Variants in NTNG1 observed in about 807,000 individuals in gnomAD.
NTNG1 encodes netrin G1.
A neutral mutation model predicts 54.0 loss-of-function variants in NTNG1; 16 were observed. The ratio of observed to expected loss-of-function variants is 0.30; its 90% CI spans 0.20 to 0.45. The LOEUF (loss-of-function observed/expected upper bound fraction) is 0.45, where lower values mean the gene tolerates loss of function less well. Ranked by LOEUF, NTNG1 falls within the 20% of genes least tolerant of loss-of-function variation. The pLI, the probability that NTNG1 is intolerant of heterozygous loss-of-function variation, is 1.00. For synonymous variants in NTNG1, 255 were observed against 263.1 expected, an observed-to-expected ratio of 0.97 and a Z score of 0.30; for missense variants, 530 against 678.7, an observed-to-expected ratio of 0.78 and a Z score of 2.43.
intron 2 of NTNG1, among the ~76,000 whole-genome samples, chr1:107,249,111 A>G (rs1662399916): frequency 1.3e-5 from 2 of 150,524 alleles, no homozygotes; most frequent in South Asian, 4.2e-4. Context: ...GTAAGCCGAG[A>G]TCACACCACT....
chr1:107,261,829 T>G (rs183921813), intron 2 of NTNG1, among the ~76,000 whole-genome samples: 12 of 152,074 alleles, frequency 7.9e-5, no homozygotes, highest in Admixed American at 1.3e-4. Context: ...GGCGACAGAG[T>G]GAGACTCCGT....
chr1:107,376,374 C>G (rs1041533627), intron 3 of NTNG1, among the ~76,000 whole-genome samples: 4 of 151,512 alleles, frequency 2.6e-5, no homozygotes, highest in South Asian at 2.1e-4. Context: ...CGCCACTGCA[C>G]TCCAGCCTGG....
At chr1:107,252,206 A>T (rs899448613) in intron 2 of NTNG1, among the ~76,000 whole-genome samples, 1 of 152,196 alleles carries the variant, frequency 6.6e-6, no homozygotes, top group African/African-American at 2.4e-5. Flanking sequence ...GCCAAATTAA[A>T]GTCTTCACTG....
intron 2 of NTNG1, among the ~76,000 whole-genome samples, chr1:107,225,515 G>A (rs187043428): frequency 3.9e-5 from 6 of 152,212 alleles, no homozygotes; most frequent in African/African-American, 1.4e-4. Flanking sequence ...CTGTGTTTGA[G>A]TGCCTGATGA....
chr1:107,407,690 A>G lies in NTNG1; in HGVS notation c.1069A>G (p.Ser357Gly), dbSNP rs1467384771. The change falls in exon 5 of 8, where the codon AGT becomes GGT. Residue 357 changes from serine (S) to glycine (G), a missense_variant. Ser to Gly is a moderately conservative substitution (Grantham distance 56). Around this residue, in one of 2 missense-constraint regions of NTNG1, gnomAD observed 318 missense variants for 465.1 expected, o/e 0.68. Coordinates refer to ENST00000370068, the MANE Select transcript of NTNG1 (RefSeq NM_001113226.3). Reference sequence around the variant, plus strand: ...GTTTTCTTTTTCTCCAGGTATCCCCAGTATTTCCAGTATTGGTAGTAAGTA... The same window carrying G: ...GTTTTCTTTTTCTCCAGGTATCCCCGGTATTTCCAGTATTGGTAGTAAGTA... ...PKGTANTCIP[S>G]ISSIGNCECF... is the part of the protein sequence containing the mutation. 5.6e-6 allele frequency: 9 copies of G among 1,607,156 alleles called. No individual in the cohort carries two copies. The Admixed American group carries it at 1.3e-4, about 24-fold the overall frequency.
intron 2 of NTNG1, among the ~76,000 whole-genome samples, chr1:107,297,975 T>C (rs1450450724): frequency 6.6e-6 from 1 of 152,060 alleles, no homozygotes; most frequent in Admixed American, 6.6e-5. Flanking sequence ...TTGAAAGTAG[T>C]AAAAAGCAGA....
At chr1:107,469,071 T>G (rs572210209) in intron 7 of NTNG1, among the ~76,000 whole-genome samples, 1 of 118,396 alleles carries the variant, frequency 8.4e-6, no homozygotes, top group African/African-American at 3.4e-5. Context: ...CACTCCAGCC[T>G]GGGTGACAGG....
At chr1:107,457,653 GT>G (rs1165058137) in intron 7 of NTNG1, among the ~76,000 whole-genome samples, 4 of 151,840 alleles carry the variant, frequency 2.6e-5, no homozygotes, top group African/African-American at 9.7e-5. Context: ...TATTTTTTAA[GT>G]TTTTTATAAC....
chr1:107,397,776 C>G lies in NTNG1; in HGVS notation c.1060+2450C>G, dbSNP rs77605310. Among the ~76,000 whole-genome samples, 1,780 of 151,284 alleles carry G rather than the reference C, an allele frequency of 0.012. 83 individuals are homozygous for G. The East Asian group carries it at 0.17, about 15-fold the overall frequency. ...TTAAGTAGTAAAGGAAGTATATCGA[C>G]CCTGGCTTTATTTCTTCCCCAGATT... On this transcript the variant is annotated intron_variant, in intron 4 of 7. Transcript: ENST00000370068.
intron 2 of NTNG1, among the ~76,000 whole-genome samples, chr1:107,222,757 T>C (rs535351257): frequency 2.6e-4 from 40 of 151,848 alleles, no homozygotes; most frequent in African/African-American, 9.4e-4. Context: ...TGGGCAGTCT[T>C]TAACTCAGGC....
chr1:107,174,459 A>G (rs929284943), intron 2 of NTNG1, among the ~76,000 whole-genome samples: 12 of 151,318 alleles, frequency 7.9e-5, no homozygotes, highest in Non-Finnish European at 5.9e-5. Flanking sequence ...ATCCTTTTTG[A>G]AAGTTCTTTT....
chr1:107,363,115 G>GT (rs1361816084), intron 3 of NTNG1, among the ~76,000 whole-genome samples: 2 of 152,128 alleles, frequency 1.3e-5, no homozygotes, highest in African/African-American at 2.4e-5. Flanking sequence ...TTACAGGCAG[G>GT]TTTTTTCCTT....
intron 2 of NTNG1, among the ~76,000 whole-genome samples, chr1:107,211,498 T>C (rs1369552124): frequency 1.3e-5 from 2 of 152,168 alleles, no homozygotes; most frequent in Admixed American, 6.5e-5. Context: ...CAATGATTAC[T>C]TGACCCTTTG....
chr1:107,169,113 T>G (rs1317074699), intron 2 of NTNG1, among the ~76,000 whole-genome samples: 1 of 152,188 alleles, frequency 6.6e-6, no homozygotes, highest in African/African-American at 2.4e-5. Context: ...AGTATTAATA[T>G]TTTAGAGCAT....
chr1:107,258,658 T>C (rs1346606377), intron 2 of NTNG1, among the ~76,000 whole-genome samples: 2 of 152,206 alleles, frequency 1.3e-5, no homozygotes, highest in Non-Finnish European at 2.9e-5. Flanking sequence ...AATAACTCAC[T>C]TGAGTTCATA....
intron 4 of NTNG1, among the ~76,000 whole-genome samples, chr1:107,399,346 T>C (rs1025907797): frequency 6.6e-6 from 1 of 152,192 alleles, no homozygotes; most frequent in Non-Finnish European, 1.5e-5. Context: ...GTATTCAATC[T>C]TTTCCTTTTC....
chr1:107,229,412 T>C (rs1660905974), intron 2 of NTNG1, among the ~76,000 whole-genome samples: 1 of 151,436 alleles, frequency 6.6e-6, no homozygotes, highest in South Asian at 2.1e-4. Context: ...GTGCAAAAGC[T>C]GGAATGAGAA....
In NTNG1 at chr1:107,384,813, T is replaced by C. The variant is rs567015273; in HGVS notation, c.888-10341T>C. 9.2e-5 allele frequency among the ~76,000 whole-genome samples: 14 copies of C among 152,334 alleles called. No homozygotes were observed. The South Asian group carries it at 2.9e-3, about 32-fold the overall frequency. ...GTATGCAAATTGGCTGTTGTCCTCT[T>C]TGTTGGTCTGTTGACATGTGGCTGC... On this transcript the variant is annotated intron_variant, in intron 3 of 7. Transcript: ENST00000370068.
intron 2 of NTNG1, among the ~76,000 whole-genome samples, chr1:107,157,727 A>ATT (rs1218157187): frequency 6.6e-6 from 1 of 151,936 alleles, no homozygotes; most frequent in East Asian, 1.9e-4. Flanking sequence ...AAATTTCTTT[A>ATT]TTTCTAACTG....
Sources: allele counts gnomAD v4.1 joint callset (sites outside exome capture counted in the v4.1 genomes callset), GRCh38; gene constraint gnomAD v4.1.1; regional missense constraint gnomAD v4.1.1; transcripts MANE v1.5; gene names NCBI Gene and HGNC (gene_info 2026-07-23, HGNC 2026-07-21).